The following LARGE1 variants were observed in gnomAD, a reference collection of about 807,000 sequenced individuals.
LARGE1 encodes LARGE xylosyl- and glucuronyltransferase 1.
A neutral mutation model predicts 87.6 loss-of-function variants in LARGE1; 43 were observed. That is an observed-to-expected ratio of 0.49 (90% CI 0.38 to 0.63). The LOEUF (loss-of-function observed/expected upper bound fraction) is 0.63, where lower values mean the gene tolerates loss of function less well. Ranked by LOEUF, LARGE1 falls within the 30% of genes least tolerant of loss-of-function variation. The pLI is 0.00. For synonymous variants in LARGE1, 434 were observed against 394.6 expected (o/e 1.10, Z -1.18); for missense variants, 802 against 1,000.2 (o/e 0.80, Z 2.67).
Position 33,396,463 on chromosome 22 carries a change from CAGAGAGAGAG to C in LARGE1, c.893-12169_893-12160del, listed in dbSNP as rs3071529. Among the ~76,000 whole-genome samples, 886 of 104,724 alleles carry C rather than the reference CAGAGAGAGAG, an allele frequency of 8.5e-3. 6 individuals carry two copies. The highest frequency in any genetic ancestry group is 0.011 in the Non-Finnish European group (618 of 54,532). 68.7% of individuals were successfully genotyped at this position (104,724 alleles called of 152,430 possible). On this transcript the variant is annotated intron_variant, in intron 7 of 14. Transcript: ENST00000397394. ...ACAGAGTGAGAGACAGAGAGAGTGA[CAGAGAGAGAG>C]AGAGAGAGAGAGAGAGAGAGAGAGA...
At chr22:33,621,850 G>A (rs967848351) in intron 4 of LARGE1, among the ~76,000 whole-genome samples, 1 of 152,140 alleles carries the variant, frequency 6.6e-6, no homozygotes, top group Non-Finnish European at 1.5e-5. Context: ...TATGGTAAAC[G>A]CACCTGACAG....
At chr22:33,877,868 G>A (rs1292066193) in intron 1 of LARGE1, among the ~76,000 whole-genome samples, 6 of 151,830 alleles carry the variant, frequency 4.0e-5, no homozygotes, top group Non-Finnish European at 8.8e-5. Flanking sequence ...GCTGCAGTGA[G>A]CCGAGATCAT....
intron 4 of LARGE1, among the ~76,000 whole-genome samples, chr22:33,621,979 C>T (rs1019453928): frequency 6.6e-6 from 1 of 152,104 alleles, no homozygotes; most frequent in African/African-American, 2.4e-5. Context: ...CTATAAGAAA[C>T]ATCTGAGCTC....
intron 2 of LARGE1, among the ~76,000 whole-genome samples, chr22:33,693,828 A>T (rs770164205): frequency 2.6e-4 from 40 of 151,978 alleles, no homozygotes; most frequent in Non-Finnish European, 4.4e-4. Flanking sequence ...TGTCTCTATT[A>T]AAAAAAGAAA....
intron 4 of LARGE1, among the ~76,000 whole-genome samples, chr22:33,612,999 C>T (rs1271181046): frequency 6.6e-6 from 1 of 152,200 alleles, no homozygotes; most frequent in Non-Finnish European, 1.5e-5. Context: ...ACCTCACCCT[C>T]ACCTTTATGG....
the LARGE1 span, among the ~76,000 whole-genome samples, chr22:33,082,105 A>T: frequency 6.6e-6 from 1 of 152,128 alleles, no homozygotes; most frequent in Non-Finnish European, 1.5e-5. Context: ...TACATTTTCA[A>T]CCAGCCAAGA....
At chr22:33,682,732 A>C (rs527299692) in intron 2 of LARGE1, among the ~76,000 whole-genome samples, 1 of 152,314 alleles carries the variant, frequency 6.6e-6, no homozygotes, top group African/African-American at 2.4e-5. Context: ...TAGAGTAAAA[A>C]CTTGGTACAA....
chr22:33,705,403 G>A (rs1028225880), intron 2 of LARGE1, among the ~76,000 whole-genome samples: 7 of 152,182 alleles, frequency 4.6e-5, no homozygotes, highest in Non-Finnish European at 1.0e-4. Flanking sequence ...TGGTTCTTGT[G>A]ATGACCTGGC....
At chr22:33,649,004 C>G (rs1383945487) in intron 3 of LARGE1, among the ~76,000 whole-genome samples, 1 of 152,190 alleles carries the variant, frequency 6.6e-6, no homozygotes, top group Admixed American at 6.5e-5. Flanking sequence ...CCCAGGTTCT[C>G]TGGGCTTGGC....
At chr22:33,181,472 T>G (rs2146165891) in intron 11 of LARGE1, among the ~76,000 whole-genome samples, 2 of 152,122 alleles carry the variant, frequency 1.3e-5, no homozygotes, top group Non-Finnish European at 2.9e-5. Context: ...GCAAAGAGAG[T>G]ATTTTTTGAA....
intron 9 of LARGE1, among the ~76,000 whole-genome samples, chr22:33,340,741 T>C (rs917164637): frequency 1.3e-5 from 2 of 151,840 alleles, no homozygotes; most frequent in African/African-American, 4.9e-5. Flanking sequence ...CATTGGCTTC[T>C]TTTAGTCCTC....
chr22:33,607,461 CAAAAAAAA>C (rs1217376084), intron 4 of LARGE1, among the ~76,000 whole-genome samples: 1 of 58,034 alleles, frequency 1.7e-5, no homozygotes, highest in Non-Finnish European at 3.2e-5. Context: ...AACTGCATCT[CAAAAAAAA>C]AAAAAAAAAA....
intron 11 of LARGE1, among the ~76,000 whole-genome samples, chr22:33,181,298 A>G (rs1281971529): frequency 4.6e-5 from 7 of 152,178 alleles, no homozygotes. Flanking sequence ...ACATGATTTT[A>G]TGGAGTATCT....
chr22:33,355,742 C>T (rs1447759718), intron 9 of LARGE1, among the ~76,000 whole-genome samples: 1 of 59,284 alleles, frequency 1.7e-5, no homozygotes, highest in African/African-American at 3.4e-5. Context: ...AGGGGAGGCT[C>T]TCAGTTAGTG....
intron 7 of LARGE1, among the ~76,000 whole-genome samples, chr22:33,394,891 A>G (rs965457805): frequency 2.6e-5 from 4 of 152,094 alleles, no homozygotes; most frequent in African/African-American, 9.7e-5. Context: ...CCATAAGCAG[A>G]CTGCCTCTGT....
chr22:33,534,158 A>T (rs530771403), intron 6 of LARGE1, among the ~76,000 whole-genome samples: 2 of 151,704 alleles, frequency 1.3e-5, no homozygotes, highest in Admixed American at 6.6e-5. Context: ...TAATCCCAGC[A>T]CTTTGGGAGG....
chr22:33,875,439 G>T (rs115869922), intron 1 of LARGE1, among the ~76,000 whole-genome samples: 5,302 of 152,308 alleles, frequency 0.035, 319 homozygotes, highest in African/African-American at 0.12. Context: ...CATGGGGGCA[G>T]AGGGCTGTGC....
intron 6 of LARGE1, among the ~76,000 whole-genome samples, chr22:33,536,446 C>A (rs1214388875): frequency 2.6e-5 from 4 of 152,196 alleles, no homozygotes; most frequent in Admixed American, 6.5e-5. Flanking sequence ...GAAGGCTTAA[C>A]GTGCTGAGCA....
intron 1 of LARGE1, among the ~76,000 whole-genome samples, chr22:33,839,081 C>T (rs145256299): frequency 6.6e-6 from 1 of 152,234 alleles, no homozygotes; most frequent in African/African-American, 2.4e-5. Flanking sequence ...GAAAGAAATT[C>T]CTGAGGCTGA....
Sources: allele counts gnomAD v4.1 joint callset (sites outside exome capture counted in the v4.1 genomes callset), GRCh38; gene constraint gnomAD v4.1.1; transcripts MANE v1.5; gene names NCBI Gene and HGNC (gene_info 2026-07-23, HGNC 2026-07-21).